The following LAMA4 variants were observed in gnomAD, a reference collection of about 807,000 sequenced individuals.
LAMA4 encodes the protein laminin subunit alpha-4.
LAMA4 carries 127 observed loss-of-function variants against 207.1 expected under a neutral mutation model. That is an observed-to-expected ratio of 0.61 (90% CI 0.53 to 0.71). The LOEUF is 0.71. Ranked by LOEUF, LAMA4 falls within the 30% of genes least tolerant of loss-of-function variation. The probability of loss-of-function intolerance (pLI) is 0.00; values close to 1 mark genes in which losing one functional copy is unlikely to be tolerated. For missense variants in LAMA4, 2,093 were observed against 2,246.5 expected (o/e 0.93, Z 1.38); for synonymous variants, 761 against 816.0 (o/e 0.93, Z 1.15).
Position 112,189,101 on chromosome 6 carries a change from T to A in LAMA4, c.814+9A>T. 6.3e-7 allele frequency: 1 copy of A among 1,591,962 alleles called. No homozygotes were observed. Among genetic ancestry groups the A allele is most frequent in the Non-Finnish European group, 8.6e-7 (1 of 1,160,020 alleles). ...GTGGGGTTAGTCAATCATGTACTGT[T>A]ATTTTTACTTATGGTTGGGCAGTCC... On this transcript the variant is annotated intron_variant, in intron 7 of 38. Coordinates refer to ENST00000230538, the MANE Select transcript of LAMA4 (RefSeq NM_001105206.3).
intron 18 of LAMA4, among the ~76,000 whole-genome samples, chr6:112,146,833 A>T (rs1780058950): frequency 6.6e-6 from 1 of 152,156 alleles, no homozygotes; most frequent in African/African-American, 2.4e-5. Context: ...GTAAATATTT[A>T]TTGTTTGGAT....
intron 4 of LAMA4, among the ~76,000 whole-genome samples, chr6:112,202,461 T>C (rs1340348972): frequency 6.6e-6 from 1 of 152,016 alleles, no homozygotes; most frequent in Non-Finnish European, 1.5e-5. Context: ...TGTGTGTGTG[T>C]GTGTATGTAA....
In LAMA4 at chr6:112,141,447, A is replaced by G. The variant is rs782740441; in HGVS notation, c.2724T>C (p.Tyr908=). 8.7e-6 allele frequency: 14 copies of G among 1,611,936 alleles called. No individual in the cohort carries two copies. The highest frequency in any genetic ancestry group is 5.3e-5 in the African/African-American group (4 of 74,884). Residue 908 remains tyrosine (Y), a synonymous_variant, in exon 21 of 39, where the codon TAT becomes TAC. Transcript: ENST00000230538. ...TCTCCACATCTTTAGTTCCCAAATTATAGACGTATACCAGATTATCATTTT... is the reference window on the plus strand; with the variant it reads ...TCTCCACATCTTTAGTTCCCAAATTGTAGACGTATACCAGATTATCATTTT... The part of the protein sequence containing the change: ...AIKNDNLVYV[Y]NLGTKDVEIP...
At chr6:112,212,577 G>T (rs1397758554) in intron 3 of LAMA4, among the ~76,000 whole-genome samples, 1 of 152,126 alleles carries the variant, frequency 6.6e-6, no homozygotes, top group East Asian at 1.9e-4. Context: ...GGACTCCATT[G>T]AGCTGTCCAA....
intron 2 of LAMA4, chr6:112,219,469 A>C (rs926435580): frequency 1.1e-4 from 17 of 152,216 alleles, no homozygotes; most frequent in Non-Finnish European, 2.2e-4. Context: ...CCACATGAGA[A>C]GCCTGTCCTA....
At chr6:112,202,671 A>G (rs1283942648) in intron 4 of LAMA4, among the ~76,000 whole-genome samples, 1 of 152,232 alleles carries the variant, frequency 6.6e-6, no homozygotes, top group East Asian at 1.9e-4. Context: ...GTGAAAGGCA[A>G]CACCCACAAT....
chr6:112,146,759 T>C (rs3822941), intron 18 of LAMA4, among the ~76,000 whole-genome samples: 46,337 of 152,028 alleles, frequency 0.3, 7,602 homozygotes, highest in African/African-American at 0.43. Flanking sequence ...GTTTCTCCAG[T>C]GCAAGGAATA....
rs528979495 is a variant in LAMA4, at chr6:112,202,736, C to G, written c.423-1048G>C. Among the ~76,000 whole-genome samples the G allele has an allele frequency of 1.6e-3, 243 of 152,314 alleles. 1 individual carries two copies. The highest frequency in any genetic ancestry group is 2.9e-3 in the Non-Finnish European group (196 of 68,022). The stretch of plus-strand genomic sequence containing the variant: ...TTCCAACAGAATTACATTTCTTTGG[C>G]CTTTTACCCTTTATTTTGCTTGTTC... On this transcript the variant is annotated intron_variant, in intron 4 of 38. Coordinates refer to ENST00000230538, the MANE Select transcript of LAMA4 (RefSeq NM_001105206.3).
chr6:112,201,204 A>T (rs1407662235), intron 5 of LAMA4, among the ~76,000 whole-genome samples: 2 of 152,128 alleles, frequency 1.3e-5, no homozygotes, highest in African/African-American at 4.8e-5. Context: ...TTATTGCTCT[A>T]TTGACAAAAG....
rs1584034812 is a variant in LAMA4, at chr6:112,253,736, A to C, written c.195+220T>G. The stretch of plus-strand genomic sequence containing the variant: ...CAACACATGCACTCTCACCCCTTTG[A>C]GCAGACACATTCCGAAGCCTCAACT... On this transcript the variant is annotated intron_variant, in intron 2 of 38. Transcript: ENST00000230538. The C allele has an allele frequency of 2.5e-6, 4 of 1,612,790 alleles. No individual in the cohort carries two copies. The East Asian group carries it at 8.9e-5, about 36-fold the overall frequency.
chr6:112,164,732 G>GA (rs1203566873), intron 13 of LAMA4, among the ~76,000 whole-genome samples: 1 of 152,166 alleles, frequency 6.6e-6, no homozygotes, highest in Admixed American at 6.5e-5. Flanking sequence ...TATTGATTTT[G>GA]AATGCCAGAT....
At position 112,184,418 on chromosome 6, in the gene LAMA4, G is replaced by A. The variant is rs117114052; in HGVS notation, c.1077+819C>T. On this transcript the variant is annotated intron_variant, in intron 9 of 38. Coordinates refer to ENST00000230538, the MANE Select transcript of LAMA4 (RefSeq NM_001105206.3). ...AAATTAGTATAGCACATGGATGGAT[G>A]TTTTTCCATTAGGCTGTTGCGGAGT... is the stretch of plus-strand genomic sequence containing the variant. Among the ~76,000 whole-genome samples, 1,504 of 152,098 alleles carry A rather than the reference G, an allele frequency of 9.9e-3. 11 individuals carry two copies. Among genetic ancestry groups the A allele is most frequent in the Admixed American group, 0.015 (223 of 15,286 alleles).
At chr6:112,149,689 G>A (rs77178083) in intron 17 of LAMA4, among the ~76,000 whole-genome samples, 2,206 of 152,196 alleles carry the variant, frequency 0.014, 48 homozygotes, top group East Asian at 0.076. Flanking sequence ...TCATAGCAGC[G>A]TGAGAACGGA....
intron 17 of LAMA4, 108 bp downstream of exon 17, chr6:112,150,403 T>C (rs1205616129): frequency 1.3e-5 from 11 of 819,514 alleles, no homozygotes; most frequent in African/African-American, 5.4e-5. Flanking sequence ...AAATAACATT[T>C]ATGTATAAAA....
rs1554346272 is a variant in LAMA4, at chr6:112,185,227, A to G, written c.1077+10T>C. On this transcript the variant is annotated intron_variant, in intron 9 of 38. Transcript: ENST00000230538. ...AGGCTGTCCCAGAAACTGAATACAT[A>G]CATACGTACCTTTTCAACTAATTCC... 2.0e-6 allele frequency: 3 copies of G among 1,533,224 alleles called. No homozygotes were observed. 95.0% of individuals were successfully genotyped at this position (1,533,224 alleles called of 1,614,324 possible).
Position 112,119,214 on chromosome 6 carries a change from A to G in LAMA4, c.4763T>C (p.Ile1588Thr). Residue 1588 changes from isoleucine to threonine, a missense_variant, in exon 34 of 39, where the codon ATC (isoleucine) becomes ACC (threonine). Physicochemically the swap from Ile to Thr is moderately conservative, Grantham distance 89. Transcript: ENST00000230538. ...SLPPTEATWK[I>T]KGPIYLGGVA... ...ACCTCCCAAATAAATGGGACCCTTGATTTTCCAGGTAGCTTCAGTAGGAGG... is the reference window on the plus strand; with the variant it reads ...ACCTCCCAAATAAATGGGACCCTTGGTTTTCCAGGTAGCTTCAGTAGGAGG... The G allele has an allele frequency of 6.2e-7, 1 of 1,613,964 alleles. No individual in the cohort carries two copies. Among genetic ancestry groups the G allele is most frequent in the South Asian group, 1.1e-5 (1 of 91,076 alleles).
intron 6 of LAMA4, among the ~76,000 whole-genome samples, chr6:112,190,901 TTCTTTCTTTCTTTC>T (rs1404922319): frequency 4.7e-5 from 4 of 85,126 alleles, no homozygotes; most frequent in Non-Finnish European, 9.5e-5. Flanking sequence ...CTTTCTTTCT[TTCTTTCTTTCTTTC>T]TTTCTTTCTT....
At chr6:112,158,902 A>G in intron 13 of LAMA4, 22 bp from the exon 14 acceptor site, 1 of 1,507,354 alleles carries the variant, frequency 6.6e-7, no homozygotes, top group South Asian at 1.1e-5. Flanking sequence ...AATTTTAATA[A>G]ATACATTGAA....
At chr6:112,174,927 G>A (rs1325147866) in intron 11 of LAMA4, among the ~76,000 whole-genome samples, 10 of 152,238 alleles carry the variant, frequency 6.6e-5, no homozygotes, top group Admixed American at 6.5e-4. Context: ...AGATATTAAA[G>A]TCATTCATGG....
Sources: allele counts gnomAD v4.1 joint callset (sites outside exome capture counted in the v4.1 genomes callset), GRCh38; gene constraint gnomAD v4.1.1; transcripts MANE v1.5; gene names NCBI Gene and HGNC (gene_info 2026-07-23, HGNC 2026-07-21).